The following EMCN variants were observed in gnomAD, a reference collection of about 807,000 sequenced individuals.
EMCN encodes MUC-14.
A neutral mutation model predicts 38.4 loss-of-function variants in EMCN; 37 were observed. That is an observed-to-expected ratio of 0.96 (90% confidence interval 0.74 to 1.27). The LOEUF (loss-of-function observed/expected upper bound fraction) is 1.27, where lower values mean the gene tolerates loss of function less well. Among genes scored for constraint, EMCN ranks in the 50% most tolerant of loss-of-function variants. The pLI, the probability that EMCN is intolerant of heterozygous loss-of-function variation, is 0.00. For synonymous variants in EMCN, 95 were observed against 100.8 expected (o/e 0.94, Z 0.35); for missense variants, 318 against 302.8 (o/e 1.05, Z -0.37).
At chr4:100,419,853 C>G (rs73833322) in intron 8 of EMCN, among the ~76,000 whole-genome samples, 2 of 152,028 alleles carry the variant, frequency 1.3e-5, no homozygotes, top group Non-Finnish European at 2.9e-5. Context: ...CTGTTTTGGT[C>G]TCCTAGCTTC....
intron 5 of EMCN, among the ~76,000 whole-genome samples, chr4:100,425,410 G>A (rs1053840506): frequency 6.6e-6 from 1 of 152,066 alleles, no homozygotes; most frequent in Non-Finnish European, 1.5e-5. Context: ...TAACAAAGTG[G>A]CATTGCCAGA....
At chr4:100,400,353 A>ATTT (rs3214622) in intron 11 of EMCN, among the ~76,000 whole-genome samples, 20 of 146,824 alleles carry the variant, frequency 1.4e-4, no homozygotes, top group African/African-American at 4.8e-4. Context: ...CCTAGGCCAC[A>ATTT]TTTTTTTTTT....
chr4:100,481,045 G>A (rs1050649709), intron 1 of EMCN, among the ~76,000 whole-genome samples: 1 of 151,936 alleles, frequency 6.6e-6, no homozygotes, highest in African/African-American at 2.4e-5. Context: ...AAAATACAGC[G>A]AGCAAGTGTA....
chr4:100,462,775 T>A (rs539190057), intron 4 of EMCN, among the ~76,000 whole-genome samples: 12 of 152,238 alleles, frequency 7.9e-5, no homozygotes, highest in African/African-American at 2.9e-4. Flanking sequence ...GGGGTGACTG[T>A]CCCATTAAAA....
chr4:100,464,879 G>A (rs1414818141), intron 4 of EMCN, among the ~76,000 whole-genome samples: 4 of 151,820 alleles, frequency 2.6e-5, no homozygotes, highest in African/African-American at 9.7e-5. Context: ...GGTAACATTA[G>A]CCTCTGATAA....
chr4:100,517,383 T>C (rs575355391), intron 1 of EMCN, among the ~76,000 whole-genome samples: 1 of 152,252 alleles, frequency 6.6e-6, no homozygotes, highest in Admixed American at 6.5e-5. Context: ...TAGGCAGCTT[T>C]ACTCAACTCC....
intron 1 of EMCN, among the ~76,000 whole-genome samples, chr4:100,508,064 T>C (rs1336162533): frequency 6.6e-6 from 1 of 152,204 alleles, no homozygotes; most frequent in Non-Finnish European, 1.5e-5. Flanking sequence ...TGAAGCAAGA[T>C]AACTTCAGGC....
chr4:100,451,808 T>G (rs1374332641), intron 4 of EMCN, among the ~76,000 whole-genome samples: 2 of 152,062 alleles, frequency 1.3e-5, no homozygotes, highest in African/African-American at 4.8e-5. Context: ...TGAGAATTAC[T>G]ATGACTAAAA....
chr4:100,483,473 T>G (rs1010586780), intron 1 of EMCN: 4 of 152,030 alleles, frequency 2.6e-5, no homozygotes, highest in Non-Finnish European at 5.9e-5. Flanking sequence ...AATGAGGAAA[T>G]AGACAAAATA....
intron 5 of EMCN, among the ~76,000 whole-genome samples, chr4:100,446,424 C>T (rs1337392933): frequency 1.3e-5 from 2 of 151,890 alleles, no homozygotes; most frequent in East Asian, 3.9e-4. Flanking sequence ...ATTCCTTGAA[C>T]ACAAGAGGTA....
At chr4:100,414,931 C>A (rs72919540) in intron 10 of EMCN, among the ~76,000 whole-genome samples, 91 of 152,064 alleles carry the variant, frequency 6.0e-4, no homozygotes, top group African/African-American at 2.1e-3. Context: ...TATGAAGTCT[C>A]GCTCCTTTGT....
chr4:100,487,655 C>T (rs1728975776), intron 1 of EMCN, among the ~76,000 whole-genome samples: 1 of 152,136 alleles, frequency 6.6e-6, no homozygotes, highest in Non-Finnish European at 1.5e-5. Context: ...GAGTGAGTCT[C>T]ATGAAATCTG....
At chr4:100,423,600 A>C (rs1726960180) in intron 5 of EMCN, among the ~76,000 whole-genome samples, 196 bp from the exon 6 acceptor site, 1 of 152,110 alleles carries the variant, frequency 6.6e-6, no homozygotes, top group Non-Finnish European at 1.5e-5. Flanking sequence ...ATTTAGAATC[A>C]CAAAGCCTGA....
intron 1 of EMCN, among the ~76,000 whole-genome samples, chr4:100,509,488 G>C (rs184665430): frequency 1.3e-3 from 200 of 152,302 alleles, no homozygotes; most frequent in African/African-American, 4.7e-3. Flanking sequence ...GTTGTTTAGA[G>C]TTGTCACAAT....
At chr4:100,456,631 G>GTT (rs921249953) in intron 4 of EMCN, among the ~76,000 whole-genome samples, 1 of 148,290 alleles carries the variant, frequency 6.7e-6, no homozygotes, top group Non-Finnish European at 1.5e-5. Context: ...CTATCTTTTA[G>GTT]TTTTTTTTTT....
intron 1 of EMCN, among the ~76,000 whole-genome samples, chr4:100,501,365 A>G (rs901646096): frequency 1.3e-5 from 2 of 152,136 alleles, no homozygotes; most frequent in African/African-American, 4.8e-5. Context: ...ATATATCTGT[A>G]AGTCAGTTTC....
At chr4:100,451,864 T>A (rs1027538198) in intron 4 of EMCN, among the ~76,000 whole-genome samples, 2 of 152,192 alleles carry the variant, frequency 1.3e-5, no homozygotes, top group East Asian at 3.9e-4. Flanking sequence ...TTTATTTCTT[T>A]ATATGATTTA....
intron 10 of EMCN, among the ~76,000 whole-genome samples, chr4:100,415,140 G>A (rs1054578112): frequency 1.3e-5 from 2 of 152,056 alleles, no homozygotes; most frequent in Admixed American, 6.6e-5. Flanking sequence ...CAGGTGATCT[G>A]CCCGCCTCAG....
At chr4:100,463,539 A>G (rs1048746892) in intron 4 of EMCN, among the ~76,000 whole-genome samples, 3 of 152,170 alleles carry the variant, frequency 2.0e-5, no homozygotes, top group African/African-American at 7.2e-5. Context: ...TTTTAAGAAT[A>G]CAAGTAATAA....
Sources: allele counts gnomAD v4.1 joint callset (sites outside exome capture counted in the v4.1 genomes callset), GRCh38; gene constraint gnomAD v4.1.1; transcripts MANE v1.5; gene names NCBI Gene and HGNC (gene_info 2026-07-23, HGNC 2026-07-21).